The following RBFOX2 variants were observed in gnomAD, a reference collection of about 807,000 sequenced individuals.
RBFOX2 encodes RNA binding fox-1 homolog 2.
RBFOX2 carries 10 observed loss-of-function variants against 49.1 expected under a neutral mutation model. That is an observed-to-expected ratio of 0.20 (90% CI 0.13 to 0.35). The LOEUF (loss-of-function observed/expected upper bound fraction) is 0.35. RBFOX2 is among the 10% of genes least tolerant of loss of function. The probability of loss-of-function intolerance (pLI) is 1.00; values close to 1 mark genes in which losing one functional copy is unlikely to be tolerated. For synonymous variants in RBFOX2, 183 were observed against 187.4 expected (o/e 0.98, Z 0.19); for missense variants, 323 against 486.9 (o/e 0.66, Z 3.17).
At chr22:35,943,888 G>C (rs566201935), upstream of RBFOX2, among the ~76,000 whole-genome samples, 1 of 152,380 alleles carries the variant, frequency 6.6e-6, no homozygotes, top group East Asian at 1.9e-4. Flanking sequence ...CTGGGCGACA[G>C]AGCGAGACTC....
At chr22:35,844,216 A>G (rs528149520), upstream of RBFOX2, among the ~76,000 whole-genome samples, 2 of 152,246 alleles carry the variant, frequency 1.3e-5, no homozygotes, top group African/African-American at 4.8e-5. Context: ...TAACGGTTGG[A>G]GTTACTGTTC....
intron 1 of RBFOX2, among the ~76,000 whole-genome samples, chr22:35,821,334 G>A (rs1954418172): frequency 6.6e-6 from 1 of 152,044 alleles, no homozygotes; most frequent in South Asian, 2.1e-4. Context: ...AGGCGTGTTG[G>A]CTCACACCTG....
At chr22:35,764,732 C>T (rs1258729384) in intron 6 of RBFOX2, among the ~76,000 whole-genome samples, 6 of 152,148 alleles carry the variant, frequency 3.9e-5, no homozygotes, top group Non-Finnish European at 8.8e-5. Flanking sequence ...CTCTCCCAAA[C>T]TGGCTCTGCA....
chr22:35,867,016 T>C (rs556713455), intron 1 of RBFOX2, among the ~76,000 whole-genome samples: 1 of 152,304 alleles, frequency 6.6e-6, no homozygotes, highest in East Asian at 1.9e-4. Context: ...GAAAACGCCT[T>C]TATTCTTAGA....
intron 1 of RBFOX2, among the ~76,000 whole-genome samples, chr22:35,988,684 A>G (rs1162668142): frequency 6.6e-6 from 1 of 152,198 alleles, no homozygotes; most frequent in Admixed American, 6.5e-5. Context: ...CCAGATCACC[A>G]AAGTCTTTTA....
At chr22:35,743,930 A>ATTT in exon 12 of RBFOX2, 1 of 312,372 alleles carries the variant, frequency 3.2e-6, no homozygotes, top group East Asian at 4.9e-5. Context: ...GAAATGCATT[A>ATTT]TTTTTTTTTT....
intron 1 of RBFOX2, chr22:35,999,284 C>T (rs540418634): frequency 6.6e-6 from 1 of 151,356 alleles, no homozygotes; most frequent in Non-Finnish European, 1.5e-5. Context: ...TAAGTGATGA[C>T]CTGTAATCCC....
chr22:35,850,190 TCATACA>T (rs2041759773), intron 1 of RBFOX2, among the ~76,000 whole-genome samples: 2 of 34,496 alleles, frequency 5.8e-5, no homozygotes. Context: ...TGTCTCTCTC[TCATACA>T]CACACACACA....
At chr22:35,920,480 T>C (rs982027811) in intron 1 of RBFOX2, among the ~76,000 whole-genome samples, 1 of 152,230 alleles carries the variant, frequency 6.6e-6, no homozygotes, top group Non-Finnish European at 1.5e-5. Context: ...CAATTTGTTT[T>C]CTTATTTCTG....
At chr22:35,893,661 T>C (rs924209588) in intron 1 of RBFOX2, among the ~76,000 whole-genome samples, 10 of 152,160 alleles carry the variant, frequency 6.6e-5, no homozygotes, top group Non-Finnish European at 1.0e-4. Context: ...GAAAATAATA[T>C]TTCAAGGTCA....
intron 2 of RBFOX2, among the ~76,000 whole-genome samples, chr22:35,794,775 C>T (rs1234949895): frequency 6.6e-6 from 1 of 152,008 alleles, no homozygotes; most frequent in Non-Finnish European, 1.5e-5. Flanking sequence ...AAAAATTGCC[C>T]CTAAATAATC....
chr22:35,832,937 G>C (rs180938737), intron 1 of RBFOX2, among the ~76,000 whole-genome samples: 211 of 152,302 alleles, frequency 1.4e-3, no homozygotes, highest in Non-Finnish European at 2.4e-3. Flanking sequence ...GCTAGAAGGG[G>C]AGATTTGAAA....
chr22:35,778,430 T>C (rs2147036537), intron 3 of RBFOX2, among the ~76,000 whole-genome samples: 1 of 152,290 alleles, frequency 6.6e-6, no homozygotes, highest in Admixed American at 6.5e-5. Flanking sequence ...TAATATACTA[T>C]AGAAGGCTGT....
chr22:35,980,689 T>C (rs1410518411), intron 1 of RBFOX2, among the ~76,000 whole-genome samples: 1 of 151,898 alleles, frequency 6.6e-6, no homozygotes, highest in Non-Finnish European at 1.5e-5. Flanking sequence ...TGCAAGCAGC[T>C]TGCATACAGA....
At chr22:35,809,653 A>AAGGTGTAAATGAGAAC in intron 2 of RBFOX2, 127 bp downstream of exon 3, 1 of 1,015,518 alleles carries the variant, frequency 9.8e-7, no homozygotes. Context: ...CTGTTGAGAG[A>AAGGTGTAAATGAGAAC]AGGTGTAAAT....
At chr22:35,780,607 T>C (rs1471147963) in intron 3 of RBFOX2, among the ~76,000 whole-genome samples, 1 of 152,218 alleles carries the variant, frequency 6.6e-6, no homozygotes, top group Non-Finnish European at 1.5e-5. Context: ...ATTTTAGATA[T>C]TGGTCTTGAC....
intron 1 of RBFOX2, among the ~76,000 whole-genome samples, chr22:35,911,097 T>TA (rs949991948): frequency 3.9e-5 from 6 of 152,228 alleles, no homozygotes; most frequent in Non-Finnish European, 8.8e-5. Context: ...GGTTGTAACA[T>TA]AGTTTCCACT....
intron 1 of RBFOX2, among the ~76,000 whole-genome samples, chr22:35,917,734 C>T (rs1569486838): frequency 6.6e-6 from 1 of 152,202 alleles, no homozygotes; most frequent in African/African-American, 2.4e-5. Context: ...TGCAAACTCA[C>T]AAACCAGTGC....
intron 2 of RBFOX2, among the ~76,000 whole-genome samples, chr22:35,797,178 T>A (rs957956813): frequency 6.6e-6 from 1 of 152,142 alleles, no homozygotes; most frequent in Non-Finnish European, 1.5e-5. Flanking sequence ...TTCTTTTAAA[T>A]CAAAATATCA....
Sources: gnomAD v4.1 joint callset for allele counts (sites outside exome capture counted in the v4.1 genomes callset) on GRCh38, gnomAD v4.1.1 for gene constraint, MANE v1.5 for transcripts, NCBI Gene and HGNC (gene_info 2026-07-23, HGNC 2026-07-21) for gene names.